Variants in COL11A2 observed in about 807,000 individuals in gnomAD.
COL11A2 encodes the protein collagen alpha-2(XI) chain.
A neutral mutation model predicts 273.4 loss-of-function variants in COL11A2; 116 were observed. The observed-to-expected ratio is 0.42, with a 90% CI of 0.36 to 0.49. The LOEUF (loss-of-function observed/expected upper bound fraction) is 0.49, where lower values mean the gene tolerates loss of function less well. COL11A2 is among the 20% of genes least tolerant of loss of function. COL11A2 has a pLI of 0.00. For missense variants in COL11A2, 1,866 were observed against 2,309.0 expected (o/e 0.81, Z 3.93); for synonymous variants, 782 against 864.2 (o/e 0.90, Z 1.67).
chr6:33,175,186 T>C (rs926714838), intron 30 of COL11A2, among the ~76,000 whole-genome samples: 2 of 152,276 alleles, frequency 1.3e-5, no homozygotes, highest in South Asian at 2.1e-4. Context: ...ATAGGATAGA[T>C]AGGACGCATC....
chr6:33,168,584 G>C lies in COL11A2; in HGVS notation c.3907-12C>G. On this transcript the variant is annotated splice_polypyrimidine_tract_variant and intron_variant, in intron 53 of 65. Coordinates refer to ENST00000341947, the MANE Select transcript of COL11A2 (RefSeq NM_080680.3). ...GGACCAGGGGATCCCTAGGGAGAGAGGAATTGGGGTGGCTGAGTGTTTATC... is the reference window on the plus strand; with the variant it reads ...GGACCAGGGGATCCCTAGGGAGAGACGAATTGGGGTGGCTGAGTGTTTATC... The C allele has an allele frequency of 6.2e-7, 1 of 1,613,512 alleles. No homozygotes were observed. Among genetic ancestry groups the C allele is most frequent in the South Asian group, 1.1e-5 (1 of 91,016 alleles).
In COL11A2 at chr6:33,164,468, A is replaced by G. The variant is rs1768794918; in HGVS notation, c.4869T>C (p.Ser1623=). The G allele has an allele frequency of 2.6e-6, 4 of 1,547,608 alleles. No individual in the cohort carries two copies. Among genetic ancestry groups the G allele is most frequent in the Non-Finnish European group, 3.5e-6 (4 of 1,143,828 alleles). ...CTGGGGAGCCCTCTGAGTCCACGTA[A>G]GAGAACTGGAAGGAGAGAGAGGGCT... is the stretch of plus-strand genomic sequence containing the variant. ...VTPRDDVTQF[S]YVDSEGSPVG... is the part of the protein sequence containing the mutation. The change falls in exon 65 of 66, where the codon TCT becomes TCC. Residue 1623 remains serine (S), a synonymous_variant. Coordinates refer to ENST00000341947, the MANE Select transcript of COL11A2 (RefSeq NM_080680.3). This position sits in a 1 kb window ranked among gnomAD's most constrained non-coding sequence, Gnocchi z 4.7.
chr6:33,168,607 AT>A (rs1443602450), intron 53 of COL11A2, 35 bp from the exon 54 acceptor site: 2 of 1,611,862 alleles, frequency 1.2e-6, no homozygotes, highest in Middle Eastern at 1.6e-4. Context: ...CTGAGTGTTT[AT>A]CCTCCAGCCA....
chr6:33,184,429 A>G (rs896794832), intron 7 of COL11A2, 105 bp from the exon 8 acceptor site: 1 of 763,592 alleles, frequency 1.3e-6, no homozygotes, highest in South Asian at 1.6e-5. Flanking sequence ...AAGGATTCCA[A>G]GGTTAATCAG....
intron 3 of COL11A2, 102 bp downstream of exon 3, chr6:33,188,876 C>T: frequency 7.4e-7 from 1 of 1,353,092 alleles, no homozygotes; most frequent in Non-Finnish European, 1.1e-6. Flanking sequence ...TGTGGTGTGG[C>T]CCAAAGGGTC....
At position 33,170,514 on chromosome 6, in the gene COL11A2, G is replaced by A. The variant is rs1170923552; in HGVS notation, c.3528+43C>T. On this transcript the variant is annotated intron_variant, in intron 47 of 65. Transcript: ENST00000341947. The surrounding 1 kb of genome is among the most constrained non-coding windows in gnomAD (Gnocchi z 4.3). ...GGGGTGGGGGCTGGCCAGGGAGGGG[G>A]GTGACTAGTATGGTGGCTAGGGTCA... 1.9e-6 allele frequency: 3 copies of A among 1,607,248 alleles called. No individual in the cohort carries two copies. Among genetic ancestry groups the A allele is most frequent in the Admixed American group, 3.3e-5 (2 of 59,886 alleles).
In COL11A2 at chr6:33,177,315, A is replaced by T; in HGVS notation, c.1972-90T>A. 8 of 1,604,884 alleles carry T rather than the reference A, an allele frequency of 5.0e-6. No homozygotes were observed. The highest frequency in any genetic ancestry group is 6.0e-6 in the Non-Finnish European group (7 of 1,173,294). On this transcript the variant is annotated intron_variant, in intron 23 of 65. Coordinates refer to ENST00000341947, the MANE Select transcript of COL11A2 (RefSeq NM_080680.3). The surrounding 1 kb of genome is among the most constrained non-coding windows in gnomAD (Gnocchi z 5.9). ...TCAAAGCATGAGCAACAAGGGCCTG[A>T]AACCCTTAATTTCCTGTATCCTTCC...
chr6:33,171,755 G>A lies in COL11A2; in HGVS notation c.3108C>T (p.Gly1036=), dbSNP rs1253178843. 1.2e-6 allele frequency: 2 copies of A among 1,612,782 alleles called. No homozygotes were observed. ...GGPIGPPGRP[G]PQGPPGAAGE... is the part of the protein sequence containing the mutation. ...CTGCTGCTCCAGGGGGACCCTGCGG[G>A]CCTGGGCGCCCTGGCGGACCAATGG... Residue 1036 remains glycine, a synonymous_variant, in exon 42 of 66, where the codon GGC becomes GGT. Transcript: ENST00000341947.
Position 33,167,102 on chromosome 6 carries a change from G to A in COL11A2, c.4198C>T (p.Leu1400Phe), listed in dbSNP as rs1769262312. ...CCCTTGGCTCCAGCATCGCCCCGGA[G>A]ACCAGGCAGCCCTGGGGGTCCCTGT... ...GPVGPPGLPG[L>F]RGDAGAKGEK... Residue 1400 changes from leucine (L) to phenylalanine (F), a missense_variant, in exon 58 of 66, where the codon CTC (leucine) becomes TTC (phenylalanine). Leu to Phe is a conservative substitution (Grantham distance 22). Transcript: ENST00000341947. The surrounding 1 kb of genome is among the most constrained non-coding windows in gnomAD (Gnocchi z 6.1). The A allele has an allele frequency of 1.2e-6, 2 of 1,614,120 alleles. No homozygotes were observed. Among genetic ancestry groups the A allele is most frequent in the South Asian group, 1.1e-5 (1 of 91,080 alleles).
Position 33,189,003 on chromosome 6 carries a change from G to A in COL11A2, c.418C>T (p.Arg140Ter). 2 of 1,614,190 alleles carry A rather than the reference G, an allele frequency of 1.2e-6. No homozygotes were observed. Among genetic ancestry groups the A allele is most frequent in the East Asian group, 2.2e-5 (1 of 44,876 alleles). ...TTGCCATCTGCTAGGCTGAGGCCTC[G>A]GAAGACTGGCTGAGAGGGAGGTTGA... ...RPQPPSQPVF[R>*]GLSLADGKWH... The change falls in exon 3 of 66, where the codon CGA becomes TGA. Residue 140 changes from arginine to a stop codon, truncating the protein, a stop_gained. Coordinates refer to ENST00000341947, the MANE Select transcript of COL11A2 (RefSeq NM_080680.3). LOFTEE classifies it high-confidence loss of function. The surrounding 1 kb of genome is among the most constrained non-coding windows in gnomAD (Gnocchi z 5.6).
At position 33,164,008 on chromosome 6, in the gene COL11A2, G is replaced by A. The variant is rs1768714635; in HGVS notation, c.5071-190C>T. Among the ~76,000 whole-genome samples the A allele has an allele frequency of 6.6e-6, 1 of 152,152 alleles. No individual in the cohort carries two copies. The highest frequency in any genetic ancestry group is 6.5e-5 in the Admixed American group (1 of 15,280). Reference sequence around the variant, plus strand: ...CTCCCCCACCGTGTGCCTCTGCTGGGCAGCCATGTGCCAGTCTGTGTACAC... The same window carrying A: ...CTCCCCCACCGTGTGCCTCTGCTGGACAGCCATGTGCCAGTCTGTGTACAC... On this transcript the variant is annotated intron_variant, in intron 65 of 65. Coordinates refer to ENST00000341947, the MANE Select transcript of COL11A2 (RefSeq NM_080680.3). This position sits in a 1 kb window ranked among gnomAD's most constrained non-coding sequence, Gnocchi z 4.7.
chr6:33,183,997 C>G lies in COL11A2; in HGVS notation c.1119+148G>C, dbSNP rs949332642. 4.9e-6 allele frequency: 3 copies of G among 610,168 alleles called. No homozygotes were observed. In the Admixed American group the frequency reaches 7.3e-5, roughly 15 times the overall value. The allele number at this position is 610,168 out of a possible 1,614,324, so 37.8% of individuals were successfully genotyped here. A position where few individuals can be genotyped will look rare whatever the true frequency, so the allele number is the denominator to read the frequency against. On this transcript the variant is annotated intron_variant, in intron 8 of 65. Coordinates refer to ENST00000341947, the MANE Select transcript of COL11A2 (RefSeq NM_080680.3). Reference sequence around the variant, plus strand: ...GAAGGCAGGTAGTAATCTTTTCAAGCAACATATACATCATATGTGAACAGA... The same window carrying G: ...GAAGGCAGGTAGTAATCTTTTCAAGGAACATATACATCATATGTGAACAGA...
chr6:33,182,271 T>C (rs1280712265), intron 8 of COL11A2, among the ~76,000 whole-genome samples: 1 of 151,772 alleles, frequency 6.6e-6, no homozygotes, highest in Non-Finnish European at 1.5e-5. Flanking sequence ...CAAAACTCCA[T>C]CTCAAAGAAA....
rs1772975899 is a variant in COL11A2, at chr6:33,190,472, A to T, written c.83-1003T>A. ...GAAAACAAAAGATCACCTTGCCCTCACTTGCTCCCCTATACACATACTCTT... is the reference window on the plus strand; with the variant it reads ...GAAAACAAAAGATCACCTTGCCCTCTCTTGCTCCCCTATACACATACTCTT... On this transcript the variant is annotated intron_variant, in intron 1 of 65. Transcript: ENST00000341947. This position sits in a 1 kb window ranked among gnomAD's most constrained non-coding sequence, Gnocchi z 4.5. Among the ~76,000 whole-genome samples the T allele has an allele frequency of 6.6e-6, 1 of 152,124 alleles. No individual in the cohort carries two copies. Among genetic ancestry groups the T allele is most frequent in the East Asian group, 1.9e-4 (1 of 5,202 alleles).
At chr6:33,171,242 G>A (rs1770014321) in intron 44 of COL11A2, 29 bp downstream of exon 44, 2 of 1,614,008 alleles carry the variant, frequency 1.2e-6, no homozygotes, top group Non-Finnish European at 8.5e-7. Context: ...AAGGCCAGGA[G>A]GTCAGAAGTC....
chr6:33,189,031 C>G lies in COL11A2; in HGVS notation c.390G>C (p.Arg130=), dbSNP rs149638770. ...AGACTGGCTGAGAGGGAGGTTGAGGCCGCCCAGTCTGGTCTTCATACAGGA... is the reference window on the plus strand; with the variant it reads ...AGACTGGCTGAGAGGGAGGTTGAGGGCGCCCAGTCTGGTCTTCATACAGGA... The part of the protein sequence containing the change: ...VRFLYEDQTG[R]PQPPSQPVFR... Residue 130 remains arginine (R), a synonymous_variant, in exon 3 of 66, where the codon CGG becomes CGC. Coordinates refer to ENST00000341947, the MANE Select transcript of COL11A2 (RefSeq NM_080680.3). This position sits in a 1 kb window ranked among gnomAD's most constrained non-coding sequence, Gnocchi z 5.6. 4.2e-4 allele frequency: 671 copies of G among 1,614,184 alleles called. 2 individuals carry two copies. In the African/African-American group the frequency reaches 5.1e-3, roughly 12 times the overall value.
In COL11A2 at chr6:33,189,329, G is replaced by A. The variant is rs746195074; in HGVS notation, c.223C>T (p.Leu75Phe). ...PAQLSAPTRQ[L>F]FPGGFPKDFS... ...ACCATGTCACCCATACCTGGGAAAA[G>A]CTGGCGAGTGGGTGCACTGAGCTGG... Residue 75 changes from leucine (L) to phenylalanine (F), a missense_variant, in exon 2 of 66, where the codon CTT becomes TTT. By Grantham distance (22) the Leu-to-Phe change is conservative. Transcript: ENST00000341947. The surrounding 1 kb of genome is among the most constrained non-coding windows in gnomAD (Gnocchi z 5.6). 2.5e-6 allele frequency: 4 copies of A among 1,613,758 alleles called. No individual in the cohort carries two copies. Among genetic ancestry groups the A allele is most frequent in the Non-Finnish European group, 3.4e-6 (4 of 1,180,024 alleles).
intron 54 of COL11A2, among the ~76,000 whole-genome samples, chr6:33,168,245 C>A (rs748710063): frequency 5.9e-5 from 9 of 152,200 alleles, no homozygotes; most frequent in Admixed American, 1.3e-4. Context: ...GCCCGAGATA[C>A]CGCACACCCA....
chr6:33,176,311 T>C lies in COL11A2; in HGVS notation c.2170-8A>G, dbSNP rs772422505. On this transcript the variant is annotated splice_polypyrimidine_tract_variant and splice_region_variant and intron_variant, in intron 27 of 65. Transcript: ENST00000341947. This position sits in a 1 kb window ranked among gnomAD's most constrained non-coding sequence, Gnocchi z 4.9. ...CCGAATTCCGTCCACACCCTAGAAT[T>C]AGAGAGGGGATAGAAGTAGACTGAT... 1.2e-5 allele frequency: 19 copies of C among 1,604,868 alleles called. No homozygotes were observed. The highest frequency in any genetic ancestry group is 1.6e-5 in the Non-Finnish European group (19 of 1,175,814).
Sources: allele counts gnomAD v4.1 joint callset (sites outside exome capture counted in the v4.1 genomes callset), GRCh38; gene constraint gnomAD v4.1.1; non-coding constraint Gnocchi (gnomAD v3.1); transcripts MANE v1.5; gene names NCBI Gene and HGNC (gene_info 2026-07-23, HGNC 2026-07-21).